TAF3: variants seen among roughly 807,000 people sequenced by gnomAD.
TAF3 encodes the protein TATA-box binding protein associated factor 3.
In TAF3, 7 loss-of-function variants were observed where a neutral mutation model predicts 80.6. That is an observed-to-expected ratio of 0.09 (90% CI 0.05 to 0.16). TAF3 has a LOEUF of 0.16. Among genes scored for constraint, TAF3 ranks in the 10% least tolerant of loss-of-function variants. The pLI, the probability that TAF3 is intolerant of heterozygous loss-of-function variation, is 1.00. For synonymous variants in TAF3, 444 were observed against 446.1 expected, an observed-to-expected ratio of 1.00 and a Z score of 0.06; for missense variants, 921 against 1,140.2, an observed-to-expected ratio of 0.81 and a Z score of 2.77.
intron 2 of TAF3, among the ~76,000 whole-genome samples, chr10:7,955,507 T>A (rs1365830697): frequency 6.6e-6 from 1 of 152,250 alleles, no homozygotes; most frequent in East Asian, 1.9e-4. Context: ...TTCTGCTTAG[T>A]TGGAGAACAT....
chr10:7,849,475 T>TGA (rs890354898), intron 2 of TAF3, among the ~76,000 whole-genome samples: 10 of 152,186 alleles, frequency 6.6e-5, no homozygotes, highest in Non-Finnish European at 1.0e-4. Flanking sequence ...ATGGGATGTG[T>TGA]GAATTTATGT....
intron 4 of TAF3, among the ~76,000 whole-genome samples, chr10:7,982,389 T>C (rs971758578): frequency 3.3e-5 from 5 of 152,186 alleles, no homozygotes; most frequent in Non-Finnish European, 4.4e-5. Flanking sequence ...AATTAATTTG[T>C]TTTTATTTAT....
intron 2 of TAF3, among the ~76,000 whole-genome samples, chr10:7,925,972 A>T (rs936794463): frequency 1.8e-4 from 27 of 152,290 alleles, no homozygotes; most frequent in African/African-American, 6.3e-4. Context: ...CTAGCACTTT[A>T]GGAGGCCAAG....
At chr10:7,865,427 C>T (rs533852233) in intron 2 of TAF3, among the ~76,000 whole-genome samples, 1 of 152,038 alleles carries the variant, frequency 6.6e-6, no homozygotes. Context: ...TGCAGTGAGC[C>T]GAGATCGCGC....
intron 2 of TAF3, among the ~76,000 whole-genome samples, chr10:7,868,879 C>T (rs1837239722): frequency 6.6e-6 from 1 of 152,134 alleles, no homozygotes; most frequent in African/African-American, 2.4e-5. Flanking sequence ...TTAGAGAACT[C>T]TAAATTTCCT....
At chr10:7,960,754 T>C (rs999447305) in intron 2 of TAF3, among the ~76,000 whole-genome samples, 2 of 152,214 alleles carry the variant, frequency 1.3e-5, no homozygotes, top group African/African-American at 4.8e-5. Flanking sequence ...TTTCCTCCAA[T>C]TTCCCAGATG....
At chr10:7,999,062 C>A (rs1211503855) in intron 4 of TAF3, among the ~76,000 whole-genome samples, 1 of 152,048 alleles carries the variant, frequency 6.6e-6, no homozygotes, top group South Asian at 2.1e-4. Flanking sequence ...AAACAGAAAT[C>A]TCAGTGGTCC....
intron 2 of TAF3, among the ~76,000 whole-genome samples, chr10:7,953,735 A>G (rs1400325783): frequency 6.6e-6 from 1 of 152,242 alleles, no homozygotes; most frequent in East Asian, 1.9e-4. Context: ...AGTCCTAGTT[A>G]ACACAGAACT....
At chr10:7,969,920 A>T (rs941276838) in intron 3 of TAF3, among the ~76,000 whole-genome samples, 1 of 152,110 alleles carries the variant, frequency 6.6e-6, no homozygotes, top group African/African-American at 2.4e-5. Context: ...CCTTCCTCCC[A>T]TTCAAAACTA....
intron 2 of TAF3, among the ~76,000 whole-genome samples, chr10:7,909,079 C>T (rs116008269): frequency 0.011 from 1,692 of 152,366 alleles, 32 homozygotes; most frequent in African/African-American, 0.038. Context: ...GGGCCTGTCA[C>T]CTCTCCCGTG....
intron 4 of TAF3, among the ~76,000 whole-genome samples, chr10:7,978,679 A>G (rs1831695854): frequency 6.6e-6 from 1 of 152,158 alleles, no homozygotes; most frequent in Non-Finnish European, 1.5e-5. Flanking sequence ...GACCCAACCA[A>G]AGTAAATCTT....
intron 2 of TAF3, among the ~76,000 whole-genome samples, chr10:7,857,850 G>C (rs995722389): frequency 6.6e-6 from 1 of 151,550 alleles, no homozygotes; most frequent in African/African-American, 2.4e-5. Context: ...AAATTCATTG[G>C]GAAGAAACTC....
In TAF3 at chr10:8,009,952, C is replaced by G. The variant is rs1212680853; in HGVS notation, c.2568+622C>G. On this transcript the variant is annotated intron_variant, in intron 5 of 6. Transcript: ENST00000344293. This position sits in a 1 kb window ranked among gnomAD's most constrained non-coding sequence, Gnocchi z 4.1. The stretch of plus-strand genomic sequence containing the variant: ...TTTGAAAGGGGATTTCACTCTGTCA[C>G]CGAGGCTGGAGTGCAGTGGTACGAT... Among the ~76,000 whole-genome samples, 5 of 151,948 alleles carry G rather than the reference C, an allele frequency of 3.3e-5. No individual in the cohort carries two copies. Among genetic ancestry groups the G allele is most frequent in the African/African-American group, 1.2e-4 (5 of 41,342 alleles).
At position 7,905,548 on chromosome 10, in the gene TAF3, TC is replaced by T. The variant is rs1047144164; in HGVS notation, c.410-58371del. Among the ~76,000 whole-genome samples, 8 of 152,242 alleles carry T rather than the reference TC, an allele frequency of 5.3e-5. No individual in the cohort carries two copies. The Middle Eastern group carries it at 0.014, about 259-fold the overall frequency. ...GAGTGTTTTTAATGAAATTTGCAAG[TC>T]ATGGGCTAAAAACATTGCAAAGCAA... is the stretch of plus-strand genomic sequence containing the variant. On this transcript the variant is annotated intron_variant, in intron 2 of 6. Transcript: ENST00000344293.
At chr10:7,976,890 T>C (rs1831678898) in intron 3 of TAF3, among the ~76,000 whole-genome samples, 2 of 152,186 alleles carry the variant, frequency 1.3e-5, no homozygotes, top group South Asian at 4.1e-4. Flanking sequence ...CATCGCAGTT[T>C]TTTCTATTTA....
Position 8,013,763 on chromosome 10 carries a change from C to A in TAF3, c.2601C>A (p.Ile867=), listed in dbSNP as rs1388768388. The change falls in exon 6 of 7, where the codon ATC becomes ATA. Residue 867 remains isoleucine, a synonymous_variant. Transcript: ENST00000344293. ...IRDEWGNQIW[I]CPGCNKPDDG... ...ATGAGTGGGGCAATCAGATCTGGATCTGCCCTGGGTGTAACAAGCCTGACG... is the reference window on the plus strand; with the variant it reads ...ATGAGTGGGGCAATCAGATCTGGATATGCCCTGGGTGTAACAAGCCTGACG... The A allele has an allele frequency of 1.2e-6, 2 of 1,614,108 alleles. No homozygotes were observed. The highest frequency in any genetic ancestry group is 2.2e-5 in the South Asian group (2 of 91,080).
intron 2 of TAF3, among the ~76,000 whole-genome samples, chr10:7,901,007 T>C (rs930902346): frequency 6.6e-6 from 1 of 152,058 alleles, no homozygotes; most frequent in African/African-American, 2.4e-5. Context: ...CTGGTGTGCT[T>C]GTGGTGATCA....
At chr10:7,821,104 G>C (rs1193583936) in intron 1 of TAF3, among the ~76,000 whole-genome samples, 3 of 152,138 alleles carry the variant, frequency 2.0e-5, no homozygotes, top group Non-Finnish European at 4.4e-5. Flanking sequence ...AGTCATCCAG[G>C]GGTCACTGCA....
chr10:7,825,757 G>C (rs1836734597), intron 2 of TAF3, among the ~76,000 whole-genome samples: 1 of 152,130 alleles, frequency 6.6e-6, no homozygotes, highest in Non-Finnish European at 1.5e-5. Flanking sequence ...TGGACATTTG[G>C]GTTGTTTCAA....
Sources: gnomAD v4.1 joint callset for allele counts (sites outside exome capture counted in the v4.1 genomes callset) on GRCh38, gnomAD v4.1.1 for gene constraint, Gnocchi (gnomAD v3.1) non-coding constraint, MANE v1.5 for transcripts, NCBI Gene and HGNC (gene_info 2026-07-23, HGNC 2026-07-21) for gene names.